The following PLCL1 variants were observed in gnomAD, a reference collection of about 807,000 sequenced individuals.
PLCL1 encodes the protein phospholipase C like 1 (inactive).
In PLCL1, 41 loss-of-function variants were observed where a neutral mutation model predicts 84.4. The observed-to-expected ratio is 0.49, with a 90% CI of 0.38 to 0.63. The LOEUF (loss-of-function observed/expected upper bound fraction) is 0.63, where lower values mean the gene tolerates loss of function less well. Among genes scored for constraint, PLCL1 ranks in the 30% least tolerant of loss-of-function variants. The probability of loss-of-function intolerance (pLI) is 0.00; values close to 1 mark genes in which losing one functional copy is unlikely to be tolerated. For missense variants in PLCL1, 1,206 were observed against 1,367.8 expected, an observed-to-expected ratio of 0.88 and a Z score of 1.87; for synonymous variants, 490 against 488.3, an observed-to-expected ratio of 1.00 and a Z score of -0.05.
intron 1 of PLCL1, among the ~76,000 whole-genome samples, chr2:197,992,644 A>G (rs1169866158): frequency 6.6e-6 from 1 of 152,182 alleles, no homozygotes; most frequent in Non-Finnish European, 1.5e-5. Flanking sequence ...ACACATCTTC[A>G]GAACTTTTTC....
chr2:198,031,485 C>T (rs1047814685), intron 1 of PLCL1, among the ~76,000 whole-genome samples: 3 of 151,496 alleles, frequency 2.0e-5, no homozygotes, highest in Non-Finnish European at 4.4e-5. Flanking sequence ...TATGGATTGA[C>T]CGTTCAGTAT....
At chr2:197,885,278 T>C (rs1194868938) in intron 1 of PLCL1, among the ~76,000 whole-genome samples, 1 of 152,284 alleles carries the variant, frequency 6.6e-6, no homozygotes, top group South Asian at 2.1e-4. Context: ...ATCTACAAGC[T>C]GGAGACCCAA....
intron 1 of PLCL1, among the ~76,000 whole-genome samples, chr2:197,852,530 A>G (rs951782842): frequency 1.3e-5 from 2 of 152,214 alleles, no homozygotes; most frequent in Non-Finnish European, 2.9e-5. Flanking sequence ...GTGTGTAACT[A>G]TCTTTTACTA....
At chr2:198,110,137 T>C (rs1316981954) in intron 5 of PLCL1, among the ~76,000 whole-genome samples, 5 of 151,874 alleles carry the variant, frequency 3.3e-5, no homozygotes, top group Non-Finnish European at 7.4e-5. Flanking sequence ...TCATTCCTAT[T>C]AAATATGTAT....
intron 1 of PLCL1, among the ~76,000 whole-genome samples, chr2:197,822,426 G>A (rs977868797): frequency 6.6e-6 from 1 of 152,124 alleles, no homozygotes; most frequent in Non-Finnish European, 1.5e-5. Context: ...GTAAGTTTAA[G>A]TTCTCACATG....
chr2:198,023,951 T>A (rs1691201965), intron 1 of PLCL1, among the ~76,000 whole-genome samples: 1 of 152,174 alleles, frequency 6.6e-6, no homozygotes, highest in South Asian at 2.1e-4. Context: ...TGCACACATA[T>A]GTTTATGGCA....
intron 1 of PLCL1, among the ~76,000 whole-genome samples, chr2:197,939,997 CAG>C (rs1288852899): frequency 1.3e-5 from 2 of 152,148 alleles, no homozygotes. Context: ...TGTTAGTTTA[CAG>C]AGTCTCCCAG....
At chr2:198,047,155 ATG>A (rs1691823838) in intron 1 of PLCL1, among the ~76,000 whole-genome samples, 1 of 85,682 alleles carries the variant, frequency 1.2e-5, no homozygotes, top group African/African-American at 5.5e-5. Context: ...GGAGAGATGC[ATG>A]TGTGTGTATG....
chr2:198,049,864 T>C (rs1038714026), intron 1 of PLCL1, among the ~76,000 whole-genome samples: 1 of 152,206 alleles, frequency 6.6e-6, no homozygotes, highest in Non-Finnish European at 1.5e-5. Flanking sequence ...TGAAAGTTTC[T>C]GCAGAGAGGA....
At chr2:197,922,848 C>G (rs1340700114) in intron 1 of PLCL1, among the ~76,000 whole-genome samples, 1 of 121,366 alleles carries the variant, frequency 8.2e-6, no homozygotes, top group African/African-American at 3.0e-5. Context: ...CCAGTAGGGG[C>G]GGCCGGGCAG....
intron 1 of PLCL1, among the ~76,000 whole-genome samples, chr2:197,881,473 T>C (rs1170180416): frequency 1.3e-5 from 2 of 152,036 alleles, no homozygotes; most frequent in Non-Finnish European, 2.9e-5. Flanking sequence ...GTTTTTGCCA[T>C]ATACTGCTCT....
chr2:197,807,744 A>G (rs1342727215), intron 1 of PLCL1, among the ~76,000 whole-genome samples: 2 of 152,218 alleles, frequency 1.3e-5, no homozygotes, highest in Non-Finnish European at 2.9e-5. Context: ...GCTTTAGTAC[A>G]TTTTAATCAA....
At chr2:197,963,569 G>T (rs1016039413) in intron 1 of PLCL1, among the ~76,000 whole-genome samples, 1 of 152,090 alleles carries the variant, frequency 6.6e-6, no homozygotes, top group East Asian at 1.9e-4. Flanking sequence ...TTCTTTTGCT[G>T]TGCAGAGCTT....
intron 1 of PLCL1, among the ~76,000 whole-genome samples, chr2:198,000,255 G>A (rs1292939087): frequency 1.3e-5 from 2 of 152,056 alleles, no homozygotes; most frequent in African/African-American, 4.8e-5. Flanking sequence ...AAAAATGTCT[G>A]CTTTGTTTGG....
intron 1 of PLCL1, among the ~76,000 whole-genome samples, chr2:197,925,530 T>C (rs759850906): frequency 8.5e-5 from 13 of 152,208 alleles, no homozygotes; most frequent in Admixed American, 2.0e-4. Context: ...ATCATAAATA[T>C]GACAGTGAGA....
chr2:198,043,457 A>G (rs1191786891), intron 1 of PLCL1, among the ~76,000 whole-genome samples: 1 of 152,162 alleles, frequency 6.6e-6, no homozygotes, highest in African/African-American at 2.4e-5. Context: ...GAGAAGTGAA[A>G]GGGGAGCTAG....
chr2:198,129,191 C>G (rs1405395307), intron 5 of PLCL1, among the ~76,000 whole-genome samples: 2 of 152,080 alleles, frequency 1.3e-5, no homozygotes, highest in African/African-American at 4.8e-5. Flanking sequence ...TTAGAGAAGC[C>G]CCTTCCCTTT....
chr2:197,943,196 C>CA (rs869096042), intron 1 of PLCL1, among the ~76,000 whole-genome samples: 1,876 of 104,850 alleles, frequency 0.018, 19 homozygotes, highest in East Asian at 0.05. Flanking sequence ...GACCCTCTCT[C>CA]AAAAAAAAAA....
intron 1 of PLCL1, among the ~76,000 whole-genome samples, chr2:197,807,592 T>C (rs1374319822): frequency 2.0e-5 from 3 of 152,216 alleles, no homozygotes; most frequent in Non-Finnish European, 2.9e-5. Context: ...TTTAGCATAG[T>C]AAAAATGAGT....
Sources: gnomAD v4.1 joint callset for allele counts (sites outside exome capture counted in the v4.1 genomes callset) on GRCh38, gnomAD v4.1.1 for gene constraint, MANE v1.5 for transcripts, NCBI Gene and HGNC (gene_info 2026-07-23, HGNC 2026-07-21) for gene names.